The following PCLO variants were observed in gnomAD, a reference collection of about 807,000 sequenced individuals.
The protein encoded by PCLO is protein piccolo.
In PCLO, 82 loss-of-function variants were observed where a neutral mutation model predicts 427.5. That is an observed-to-expected ratio of 0.19 (90% CI 0.16 to 0.23). PCLO has a LOEUF of 0.23. PCLO is among the 10% of genes least tolerant of loss of function. PCLO has a pLI of 1.00. For missense variants in PCLO, 6,239 were observed against 6,115.9 expected (o/e 1.02, Z -0.67); for synonymous variants, 2,357 against 2,155.4 (o/e 1.09, Z -2.59).
chr7:82,863,948 C>T (rs1048531364), intron 10 of PCLO, among the ~76,000 whole-genome samples: 1 of 151,832 alleles, frequency 6.6e-6, no homozygotes, highest in African/African-American at 2.4e-5. Flanking sequence ...TTTTTTTTCT[C>T]ATTTTATCTT....
chr7:83,093,248 T>C (rs1287382918), intron 3 of PCLO, among the ~76,000 whole-genome samples: 1 of 151,478 alleles, frequency 6.6e-6, no homozygotes, highest in Non-Finnish European at 1.5e-5. Flanking sequence ...ATAAATGTTG[T>C]CTTAATGTAT....
chr7:82,951,833 G>T, intron 5 of PCLO, 23 bp downstream of exon 5: 1 of 1,593,642 alleles, frequency 6.3e-7, no homozygotes. Context: ...TCAAGGAAAG[G>T]TCTGCTGCCA....
rs1584135857 is a variant in PCLO, at chr7:82,909,262, A to G, written c.13301-249T>C. ...ACAGATGTTCACAATCTCAGAGCAA[A>G]ACAAAATCAAATTTTAAATCAGGAG... is the stretch of plus-strand genomic sequence containing the variant. On this transcript the variant is annotated intron_variant, in intron 7 of 24. Transcript: ENST00000333891. 2.6e-5 allele frequency among the ~76,000 whole-genome samples: 4 copies of G among 152,114 alleles called. No homozygotes were observed. The South Asian group carries it at 6.2e-4, about 24-fold the overall frequency.
chr7:83,045,942 A>T (rs767498664), intron 3 of PCLO, among the ~76,000 whole-genome samples: 1 of 151,980 alleles, frequency 6.6e-6, no homozygotes, highest in Non-Finnish European at 1.5e-5. Flanking sequence ...ACTGAAATTT[A>T]TTTTCTCATA....
At chr7:82,981,606 G>C (rs1319019491) in intron 3 of PCLO, among the ~76,000 whole-genome samples, 1 of 151,930 alleles carries the variant, frequency 6.6e-6, no homozygotes, top group African/African-American at 2.4e-5. Flanking sequence ...CCTTAATTTT[G>C]TTTCTGTCAC....
intron 3 of PCLO, among the ~76,000 whole-genome samples, chr7:83,032,791 C>T (rs1788704067): frequency 6.6e-6 from 1 of 152,040 alleles, no homozygotes; most frequent in South Asian, 2.1e-4. Flanking sequence ...AGAGTTGAAT[C>T]ATGAAGTTTT....
chr7:82,866,191 C>T (rs1292192056), intron 10 of PCLO, among the ~76,000 whole-genome samples: 1 of 152,118 alleles, frequency 6.6e-6, no homozygotes, highest in Non-Finnish European at 1.5e-5. Flanking sequence ...TCCTTGGTGG[C>T]TTTACTGAAT....
chr7:82,768,437 A>G (rs1033809863), intron 22 of PCLO, among the ~76,000 whole-genome samples: 2 of 151,860 alleles, frequency 1.3e-5, no homozygotes, highest in Non-Finnish European at 2.9e-5. Context: ...AAAAAAAAAA[A>G]GTATTAAAAT....
chr7:83,153,289 ATTC>A (rs1792184329), intron 2 of PCLO, among the ~76,000 whole-genome samples: 2 of 151,646 alleles, frequency 1.3e-5, no homozygotes, highest in Admixed American at 6.6e-5. Context: ...AATGCAGCAT[ATTC>A]TTATTAATTG....
chr7:82,768,479 T>A (rs549563538), intron 22 of PCLO, among the ~76,000 whole-genome samples: 1 of 152,232 alleles, frequency 6.6e-6, no homozygotes, highest in Non-Finnish European at 1.5e-5. Flanking sequence ...ATTTTAAATT[T>A]TGTCTCTTAA....
intron 10 of PCLO, among the ~76,000 whole-genome samples, chr7:82,867,041 T>G (rs1489092087): frequency 6.6e-6 from 1 of 152,144 alleles, no homozygotes; most frequent in Admixed American, 6.6e-5. Flanking sequence ...TGTATTTTCT[T>G]TCAATGAAAC....
intron 16 of PCLO, among the ~76,000 whole-genome samples, chr7:82,834,727 T>C (rs1014729131): frequency 2.0e-5 from 3 of 152,152 alleles, no homozygotes; most frequent in Non-Finnish European, 2.9e-5. Flanking sequence ...GAAATTGTCT[T>C]AGTTGACAGT....
In PCLO at chr7:83,156,048, T is replaced by C; in HGVS notation, c.593A>G (p.Lys198Arg). The C allele has an allele frequency of 6.2e-7, 1 of 1,613,664 alleles. No homozygotes were observed. The highest frequency in any genetic ancestry group is 8.5e-7 in the Non-Finnish European group (1 of 1,179,820). Residue 198 changes from lysine (K) to arginine (R), a missense_variant, in exon 2 of 25, where the codon AAG becomes AGG. This residue lies in a region of PCLO where 4,677 missense variants were observed against 4,468.4 expected (regional missense o/e 1.05). Transcript: ENST00000333891. Reference protein sequence around the residue: ...ETTKKQKVVQKEQGKPEGIIK... With the variant: ...ETTKKQKVVQREQGKPEGIIK... The stretch of plus-strand genomic sequence containing the variant: ...GATTCCTTCAGGTTTTCCTTGCTCC[T>C]TCTGAACCACTTTTTGTTTCTTGGT...
intron 3 of PCLO, among the ~76,000 whole-genome samples, chr7:83,124,896 A>T (rs1276539699): frequency 6.6e-6 from 1 of 152,054 alleles, no homozygotes; most frequent in East Asian, 1.9e-4. Flanking sequence ...CTGGGATTGC[A>T]GGCGCACGCC....
chr7:83,140,909 T>C (rs563302760), intron 2 of PCLO, among the ~76,000 whole-genome samples: 1 of 152,340 alleles, frequency 6.6e-6, no homozygotes, highest in East Asian at 1.9e-4. Flanking sequence ...ATAGTAACTA[T>C]AATACACTTG....
intron 2 of PCLO, among the ~76,000 whole-genome samples, chr7:83,148,165 C>A (rs1792041046): frequency 1.3e-5 from 2 of 152,274 alleles, no homozygotes; most frequent in Admixed American, 1.3e-4. Context: ...TACCCTTACC[C>A]TTGACCCACA....
At chr7:82,920,774 G>A (rs1046486108) in intron 6 of PCLO, among the ~76,000 whole-genome samples, 1 of 151,714 alleles carries the variant, frequency 6.6e-6, no homozygotes, top group African/African-American at 2.4e-5. Flanking sequence ...ACTATCCTAA[G>A]TGACTTAAAT....
Position 82,845,421 on chromosome 7 carries a change from T to C in PCLO, c.13896A>G (p.Ser4632=). The change falls in exon 13 of 25, where the codon TCA becomes TCG. Residue 4632 remains serine (S), a synonymous_variant. Coordinates refer to ENST00000333891, the MANE Select transcript of PCLO (RefSeq NM_033026.6). ...KQLAAELQKV[S]LQQSPLVLSS... is the part of the protein sequence containing the mutation. The stretch of plus-strand genomic sequence containing the variant: ...ACAGAACCAGCGGTGACTGCTGTAG[T>C]GAAACCTTCTGGAGTTCTGCTGCCA... The C allele has an allele frequency of 6.2e-7, 1 of 1,613,276 alleles. No individual in the cohort carries two copies. Among genetic ancestry groups the C allele is most frequent in the Admixed American group, 1.7e-5 (1 of 59,924 alleles).
intron 3 of PCLO, among the ~76,000 whole-genome samples, chr7:83,038,588 C>T (rs1788891189): frequency 1.3e-5 from 2 of 151,962 alleles, no homozygotes; most frequent in Admixed American, 1.3e-4. Context: ...GCTAACATTT[C>T]ATTGTATGAA....
Sources: gnomAD v4.1 joint callset for allele counts (sites outside exome capture counted in the v4.1 genomes callset) on GRCh38, gnomAD v4.1.1 for gene constraint, gnomAD v4.1.1 regional missense constraint, MANE v1.5 for transcripts, NCBI Gene and HGNC (gene_info 2026-07-23, HGNC 2026-07-21) for gene names.